The following SERPINI1 variants were observed in gnomAD, a reference collection of about 807,000 sequenced individuals.
SERPINI1 encodes serpin family I member 1.
A neutral mutation model predicts 41.1 loss-of-function variants in SERPINI1; 19 were observed. The ratio of observed to expected loss-of-function variants is 0.46; its 90% CI spans 0.32 to 0.68. The LOEUF (loss-of-function observed/expected upper bound fraction) is 0.68. Ranked by LOEUF, SERPINI1 falls within the 30% of genes least tolerant of loss-of-function variation. The pLI is 0.03. For synonymous variants in SERPINI1, 138 were observed against 156.6 expected, an observed-to-expected ratio of 0.88 and a Z score of 0.89; for missense variants, 460 against 479.2, an observed-to-expected ratio of 0.96 and a Z score of 0.37.
chr3:167,769,554 T>G (rs1175748879), intron 1 of SERPINI1, among the ~76,000 whole-genome samples: 2 of 152,196 alleles, frequency 1.3e-5, no homozygotes, highest in Non-Finnish European at 2.9e-5. Context: ...TATTGTGACC[T>G]TTGTATAAGT....
intron 1 of SERPINI1, among the ~76,000 whole-genome samples, chr3:167,768,887 A>G (rs567433261): frequency 2.6e-4 from 39 of 152,312 alleles, no homozygotes; most frequent in African/African-American, 9.1e-4. Context: ...GAGGTCTGCC[A>G]AGTTTTTCAT....
intron 1 of SERPINI1, among the ~76,000 whole-genome samples, chr3:167,747,159 AAC>A (rs1211472042): frequency 1.3e-5 from 2 of 152,246 alleles, no homozygotes; most frequent in Non-Finnish European, 1.5e-5. Context: ...AAAAACACCA[AAC>A]ACAGCAGGCC....
At chr3:167,748,078 A>G (rs1436808105) in intron 1 of SERPINI1, among the ~76,000 whole-genome samples, 3 of 152,086 alleles carry the variant, frequency 2.0e-5, no homozygotes, top group Non-Finnish European at 4.4e-5. Context: ...AATACTTAGG[A>G]ACAAAAAAGT....
intron 1 of SERPINI1, among the ~76,000 whole-genome samples, chr3:167,742,655 G>C (rs913095301): frequency 2.0e-5 from 3 of 152,156 alleles, no homozygotes; most frequent in African/African-American, 7.2e-5. Context: ...AATGGAAGTG[G>C]AGATATCAAA....
At chr3:167,741,192 TG>T (rs1452979157) in intron 1 of SERPINI1, among the ~76,000 whole-genome samples, 1 of 152,194 alleles carries the variant, frequency 6.6e-6, no homozygotes, top group African/African-American at 2.4e-5. Context: ...TGGTTCTGCC[TG>T]GGAAAGGAGA....
intron 5 of SERPINI1, among the ~76,000 whole-genome samples, chr3:167,799,270 C>T (rs535797743): frequency 6.6e-6 from 1 of 152,288 alleles, no homozygotes; most frequent in South Asian, 2.1e-4. Flanking sequence ...TCAACTCCCA[C>T]TTGTGAGTGA....
intron 4 of SERPINI1, among the ~76,000 whole-genome samples, chr3:167,793,405 G>A (rs1727592508): frequency 6.6e-6 from 1 of 151,604 alleles, no homozygotes; most frequent in African/African-American, 2.4e-5. Flanking sequence ...GTAATTTTTA[G>A]CCAGGTATAT....
At chr3:167,816,367 A>G (rs34028506) in intron 6 of SERPINI1, among the ~76,000 whole-genome samples, 26,512 of 152,156 alleles carry the variant, frequency 0.17, 2,858 homozygotes, top group African/African-American at 0.3. Flanking sequence ...TAAACTTTAT[A>G]ACCATAATTA....
At chr3:167,777,954 C>A (rs796408815) in intron 1 of SERPINI1, among the ~76,000 whole-genome samples, 3 of 152,282 alleles carry the variant, frequency 2.0e-5, no homozygotes, top group African/African-American at 7.2e-5. Flanking sequence ...CTTTTCCTCT[C>A]CATACTGCCC....
intron 5 of SERPINI1, among the ~76,000 whole-genome samples, chr3:167,805,600 A>G (rs992734655): frequency 6.6e-6 from 1 of 152,176 alleles, no homozygotes; most frequent in Non-Finnish European, 1.5e-5. Context: ...TGTTTTAGAT[A>G]TGAAGTCTTT....
intron 6 of SERPINI1, among the ~76,000 whole-genome samples, chr3:167,822,248 TA>T (rs1372903822): frequency 6.6e-6 from 1 of 152,200 alleles, no homozygotes; most frequent in Non-Finnish European, 1.5e-5. Flanking sequence ...CATTTAAATT[TA>T]AAATTCTGTC....
At position 167,817,848 on chromosome 3, in the gene SERPINI1, C is replaced by T. The variant is rs571760766; in HGVS notation, c.980-5138C>T. Reference sequence around the variant, plus strand: ...TCTCCTGACCTTGTAATCTGCCCACCTCGGCCTCCCAAAGTGCTGGGATTA... The same window carrying T: ...TCTCCTGACCTTGTAATCTGCCCACTTCGGCCTCCCAAAGTGCTGGGATTA... On this transcript the variant is annotated intron_variant, in intron 6 of 8. Coordinates refer to ENST00000446050, the MANE Select transcript of SERPINI1 (RefSeq NM_001122752.2). Among the ~76,000 whole-genome samples the T allele has an allele frequency of 2.6e-3, 393 of 152,112 alleles. 3 individuals are homozygous for T. Among genetic ancestry groups the T allele is most frequent in the African/African-American group, 9.3e-3 (384 of 41,480 alleles).
intron 1 of SERPINI1, 147 bp downstream of exon 1, chr3:167,735,970 G>C (rs533867092): frequency 6.6e-6 from 1 of 152,332 alleles, no homozygotes; most frequent in South Asian, 2.1e-4. Flanking sequence ...TACATTTTTC[G>C]ACTTTAAGGG....
At chr3:167,785,233 A>G (rs142746972) in intron 1 of SERPINI1, among the ~76,000 whole-genome samples, 2 of 152,154 alleles carry the variant, frequency 1.3e-5, no homozygotes, top group African/African-American at 4.8e-5. Context: ...ACAGAGCGAG[A>G]CTGTGTCTCA....
At chr3:167,747,319 T>G (rs1052559277) in intron 1 of SERPINI1, among the ~76,000 whole-genome samples, 2 of 152,096 alleles carry the variant, frequency 1.3e-5, no homozygotes, top group Non-Finnish European at 2.9e-5. Flanking sequence ...TAGATCTTGG[T>G]GATGGCTGCA....
Position 167,759,400 on chromosome 3 carries a change from G to GTATATATATATATATA in SERPINI1, c.-19+23583_-19+23598dup, listed in dbSNP as rs71753556. Among the ~76,000 whole-genome samples the GTATATATATATATATA allele has an allele frequency of 3.8e-3, 462 of 121,082 alleles. 24 individuals are homozygous for GTATATATATATATATA. Among genetic ancestry groups the GTATATATATATATATA allele is most frequent in the East Asian group, 6.2e-3 (25 of 4,038 alleles). 79.4% of individuals were successfully genotyped at this position (121,082 alleles called of 152,430 possible). Reference sequence around the variant, plus strand: ...ATCAACATTGGATAAAGAAAATGTGGTATATATATATATATATATATGCGC... The same window carrying GTATATATATATATATA: ...ATCAACATTGGATAAAGAAAATGTGGTATATATATATATATATATATATATATATATATATATGCGC... On this transcript the variant is annotated intron_variant, in intron 1 of 8. Transcript: ENST00000446050.
At position 167,741,368 on chromosome 3, in the gene SERPINI1, G is replaced by A. The variant is rs1478665372; in HGVS notation, c.-19+5545G>A. ...GTCACACAGTGATTTCTATAGCACA[G>A]CCAGGCAATTCAATGAGTACCTATC... On this transcript the variant is annotated intron_variant, in intron 1 of 8. Coordinates refer to ENST00000446050, the MANE Select transcript of SERPINI1 (RefSeq NM_001122752.2). 5.9e-5 allele frequency among the ~76,000 whole-genome samples: 9 copies of A among 152,304 alleles called. No individual in the cohort carries two copies. In the East Asian group the frequency reaches 1.7e-3, roughly 29 times the overall value.
intron 2 of SERPINI1, among the ~76,000 whole-genome samples, chr3:167,790,090 G>A (rs1249292468): frequency 6.6e-6 from 1 of 152,114 alleles, no homozygotes; most frequent in African/African-American, 2.4e-5. Context: ...TTTCATCAAA[G>A]TAACCTAGTA....
In SERPINI1 at chr3:167,735,793, C is replaced by T. The variant is rs1354677425; in HGVS notation, c.-49C>T. 1 of 152,340 alleles carries T rather than the reference C, an allele frequency of 6.6e-6. No individual in the cohort carries two copies. Among genetic ancestry groups the T allele is most frequent in the African/African-American group, 2.4e-5 (1 of 41,456 alleles). 9.4% of individuals were successfully genotyped at this position (152,340 alleles called of 1,614,324 possible). A position where few individuals can be genotyped will look rare whatever the true frequency, so the allele number is the denominator to read the frequency against. On this transcript the variant is annotated 5_prime_UTR_variant, in exon 1 of 9. Coordinates refer to ENST00000446050, the MANE Select transcript of SERPINI1 (RefSeq NM_001122752.2). ...ACAGTCCGCCGAGCACAAGCTCCAG[C>T]ATCCCGTCAGGGGTTGCAGGTGTGT...
Sources: allele counts gnomAD v4.1 joint callset (sites outside exome capture counted in the v4.1 genomes callset), GRCh38; gene constraint gnomAD v4.1.1; transcripts MANE v1.5; gene names NCBI Gene and HGNC (gene_info 2026-07-23, HGNC 2026-07-21).